Variants in EVL observed in about 807,000 individuals in gnomAD.
EVL encodes the protein Enah/Vasp-like.
EVL carries 21 observed loss-of-function variants against 59.6 expected under a neutral mutation model. That is an observed-to-expected ratio of 0.35 (90% CI 0.25 to 0.51). The LOEUF is 0.51. EVL is among the 20% of genes least tolerant of loss of function. The pLI is 0.97. For missense variants in EVL, 462 were observed against 546.6 expected, an observed-to-expected ratio of 0.85 and a Z score of 1.54; for synonymous variants, 198 against 203.5, an observed-to-expected ratio of 0.97 and a Z score of 0.23.
In EVL at chr14:100,109,417, G is replaced by A. The variant is rs1030346275; in HGVS notation, c.358+11759G>A. The A allele has an allele frequency of 1.9e-5, 7 of 368,466 alleles. No homozygotes were observed. Among genetic ancestry groups the A allele is most frequent in the South Asian group, 8.1e-5 (4 of 49,650 alleles). The allele number at this position is 368,466 out of a possible 1,614,324, so 22.8% of individuals were successfully genotyped here. A position where few individuals can be genotyped will look rare whatever the true frequency, so the allele number is the denominator to read the frequency against. On this transcript the variant is annotated intron_variant, in intron 3 of 13. Coordinates refer to ENST00000392920, the MANE Select transcript of EVL (RefSeq NM_016337.3). This position sits in a 1 kb window ranked among gnomAD's most constrained non-coding sequence, Gnocchi z 4.3. Reference sequence around the variant, plus strand: ...CACACTGTTGGTGTCCCATTTGTTTGGACCCTGGGTTTGTTTGTCTAGACT... The same window carrying A: ...CACACTGTTGGTGTCCCATTTGTTTAGACCCTGGGTTTGTTTGTCTAGACT...
intron 1 of EVL, among the ~76,000 whole-genome samples, chr14:100,082,538 C>T (rs1458494889): frequency 6.6e-6 from 1 of 152,188 alleles, no homozygotes; most frequent in Non-Finnish European, 1.5e-5. Flanking sequence ...TAAATTAAAA[C>T]CATTTACAAC....
intron 1 of EVL, among the ~76,000 whole-genome samples, chr14:100,055,369 G>A (rs1299264201): frequency 6.6e-6 from 1 of 151,940 alleles, no homozygotes; most frequent in Non-Finnish European, 1.5e-5. Context: ...CCCTCTTCAT[G>A]GCTTAAAAGT....
intron 2 of EVL, among the ~76,000 whole-genome samples, chr14:100,094,347 C>G (rs1181757321): frequency 6.6e-6 from 1 of 152,128 alleles, no homozygotes; most frequent in African/African-American, 2.4e-5. Flanking sequence ...CCTCAATTCT[C>G]ATTTCCCCCC....
At chr14:100,102,918 A>G (rs899288823) in intron 3 of EVL, among the ~76,000 whole-genome samples, 4 of 152,284 alleles carry the variant, frequency 2.6e-5, no homozygotes, top group African/African-American at 9.6e-5. Context: ...CAACATGGTG[A>G]AACTCTGTCT....
intron 1 of EVL, among the ~76,000 whole-genome samples, chr14:99,986,290 C>CAAAA (rs3072366): frequency 2.5e-5 from 2 of 78,452 alleles, no homozygotes; most frequent in East Asian, 3.3e-4. Flanking sequence ...GACTCTGTCT[C>CAAAA]AAAAAAAAAA....
intron 1 of EVL, among the ~76,000 whole-genome samples, chr14:100,016,524 G>T (rs147897356): frequency 0.013 from 2,032 of 152,246 alleles, 50 homozygotes; most frequent in African/African-American, 0.046. Flanking sequence ...CAAGACTCCG[G>T]CTCAAAAAAC....
intron 1 of EVL, among the ~76,000 whole-genome samples, chr14:99,997,416 T>A (rs909640557): frequency 1.3e-5 from 2 of 152,272 alleles, no homozygotes; most frequent in Non-Finnish European, 2.9e-5. Context: ...AGCCTTTATG[T>A]AGTCCAGGTC....
intron 5 of EVL, 81 bp downstream of exon 5, chr14:100,126,852 A>T: frequency 7.2e-7 from 1 of 1,379,894 alleles, no homozygotes; most frequent in Non-Finnish European, 1.0e-6. Context: ...GCCCAGGGAC[A>T]CACGGGGCGC....
chr14:100,033,237 G>A (rs1439101038), intron 1 of EVL, among the ~76,000 whole-genome samples: 1 of 152,200 alleles, frequency 6.6e-6, no homozygotes, highest in Admixed American at 6.5e-5. Context: ...TATAAATTAA[G>A]CACTTCTGAT....
chr14:100,029,696 G>C (rs765514558), intron 1 of EVL, among the ~76,000 whole-genome samples: 1 of 152,124 alleles, frequency 6.6e-6, no homozygotes, highest in African/African-American at 2.4e-5. Context: ...TATAGGATTG[G>C]GGTGGATGAA....
At chr14:100,123,725 CG>C (rs1166229156) in intron 4 of EVL, 123 bp downstream of exon 4, 1 of 963,436 alleles carries the variant, frequency 1.0e-6, no homozygotes, top group Non-Finnish European at 1.6e-6. Context: ...GCATACACTG[CG>C]GGAGGGTGCA....
At chr14:100,077,833 C>T (rs1359172553) in intron 1 of EVL, among the ~76,000 whole-genome samples, 1 of 152,128 alleles carries the variant, frequency 6.6e-6, no homozygotes, top group Non-Finnish European at 1.5e-5. Flanking sequence ...AGTGCAATGG[C>T]GCAATCTCGG....
At chr14:100,055,875 G>A (rs961790308) in intron 1 of EVL, among the ~76,000 whole-genome samples, 1 of 151,772 alleles carries the variant, frequency 6.6e-6, no homozygotes, top group Non-Finnish European at 1.5e-5. Flanking sequence ...GCAATGGCTC[G>A]ATCTCGGCTC....
intron 3 of EVL, chr14:100,102,239 G>A (rs769959408): frequency 2.7e-4 from 122 of 455,832 alleles, no homozygotes; most frequent in African/African-American, 1.5e-3. Context: ...CAAGTGCAGC[G>A]CAGCATAGAG....
intron 1 of EVL, among the ~76,000 whole-genome samples, chr14:100,052,060 A>C (rs912229295): frequency 6.6e-6 from 1 of 152,238 alleles, no homozygotes; most frequent in African/African-American, 2.4e-5. Context: ...TGTAAAAAAT[A>C]ACGGAAGGGC....
intron 1 of EVL, among the ~76,000 whole-genome samples, chr14:99,986,123 C>G (rs1421612886): frequency 6.6e-6 from 1 of 151,816 alleles, no homozygotes; most frequent in East Asian, 1.9e-4. Flanking sequence ...TAAACCCTGT[C>G]CCTACTAAAA....
chr14:100,080,773 T>C (rs944605993), intron 1 of EVL, among the ~76,000 whole-genome samples: 7 of 152,180 alleles, frequency 4.6e-5, no homozygotes, highest in Non-Finnish European at 7.4e-5. Flanking sequence ...ACCTGGTAAC[T>C]TAACACCATG....
intron 2 of EVL, among the ~76,000 whole-genome samples, chr14:100,085,892 C>A (rs912752602): frequency 2.0e-5 from 3 of 152,092 alleles, no homozygotes; most frequent in African/African-American, 4.8e-5. Flanking sequence ...CTTTGGGAGG[C>A]CAAGGCGGGT....
At chr14:100,084,035 G>T (rs2062375864) in intron 1 of EVL, among the ~76,000 whole-genome samples, 1 of 149,164 alleles carries the variant, frequency 6.7e-6, no homozygotes, top group South Asian at 2.1e-4. Flanking sequence ...CTTTAATAAT[G>T]CATTCTCTCT....
Sources: gnomAD v4.1 joint callset for allele counts (sites outside exome capture counted in the v4.1 genomes callset) on GRCh38, gnomAD v4.1.1 for gene constraint, Gnocchi (gnomAD v3.1) non-coding constraint, MANE v1.5 for transcripts, NCBI Gene and HGNC (gene_info 2026-07-23, HGNC 2026-07-21) for gene names.